The following SGO2 variants were observed in gnomAD, a reference collection of about 807,000 sequenced individuals.
SGO2 encodes the protein shugoshin 2.
In SGO2, 68 loss-of-function variants were observed where a neutral mutation model predicts 99.5. The observed-to-expected ratio is 0.68, with a 90% CI of 0.56 to 0.84. SGO2 has a LOEUF of 0.84. Ranked by LOEUF, SGO2 falls within the 40% of genes least tolerant of loss-of-function variation. The pLI is 0.00. For missense variants in SGO2, 1,350 were observed against 1,436.7 expected (o/e 0.94, Z 0.97); for synonymous variants, 457 against 487.1 (o/e 0.94, Z 0.81).
intron 8 of SGO2, among the ~76,000 whole-genome samples, chr2:200,578,437 A>G (rs1186056986): frequency 1.3e-5 from 2 of 152,204 alleles, no homozygotes; most frequent in African/African-American, 4.8e-5. Flanking sequence ...TGCTCTGCTT[A>G]GGGTCTGACA....
intron 5 of SGO2, among the ~76,000 whole-genome samples, chr2:200,556,227 A>G (rs2032710633): frequency 1.3e-5 from 2 of 152,138 alleles, no homozygotes; most frequent in Non-Finnish European, 2.9e-5. Flanking sequence ...CAGCCTCCCA[A>G]AGTGCTGGGA....
At chr2:200,560,404 A>G (rs1229730689) in intron 5 of SGO2, among the ~76,000 whole-genome samples, 3 of 152,122 alleles carry the variant, frequency 2.0e-5, no homozygotes, top group Non-Finnish European at 4.4e-5. Context: ...TCAGGTATCT[A>G]TCTTTTTCTG....
Position 200,572,106 on chromosome 2 carries a change from A to G in SGO2, c.1760A>G (p.His587Arg), listed in dbSNP as rs113654304. The G allele has an allele frequency of 4.4e-4, 713 of 1,613,300 alleles. 5 individuals are homozygous for G. In the African/African-American group the frequency reaches 8.3e-3, roughly 19 times the overall value. ...DNGNLCDYGT[H>R]NILDLKKYVT... ...GGAAATTTATGTGATTATGGGACCCACAATATATTGGATTTGAAAAAGTAT... is the reference window on the plus strand; with the variant it reads ...GGAAATTTATGTGATTATGGGACCCGCAATATATTGGATTTGAAAAAGTAT... Residue 587 changes from histidine (H) to arginine (R), a missense_variant, in exon 7 of 9, where the codon CAC becomes CGC. By Grantham distance (29) the His-to-Arg change is conservative. Transcript: ENST00000357799.
chr2:200,573,017 A>C lies in SGO2; in HGVS notation c.2671A>C (p.Thr891Pro). 2 of 1,572,158 alleles carry C rather than the reference A, an allele frequency of 1.3e-6. No homozygotes were observed. The highest frequency in any genetic ancestry group is 1.7e-6 in the Non-Finnish European group (2 of 1,165,914). ...TATATTGGAGTTGAAAAAGTATGTT[A>C]CTGATAGGAAATCTGCTGAGCAAAA... ...QNILELKKYV[T>P]DRKSAEQNES... Residue 891 changes from threonine (T) to proline (P), a missense_variant, in exon 7 of 9, where the codon ACT becomes CCT. Thr to Pro is a conservative substitution (Grantham distance 38, BLOSUM62 -1). Coordinates refer to ENST00000357799, the MANE Select transcript of SGO2 (RefSeq NM_152524.6).
chr2:200,528,950 A>G (rs1056656684), intron 1 of SGO2, among the ~76,000 whole-genome samples: 1 of 152,236 alleles, frequency 6.6e-6, no homozygotes, highest in Non-Finnish European at 1.5e-5. Flanking sequence ...TGCTTTTCAC[A>G]GATCAAGTAA....
In SGO2 at chr2:200,583,614, T is replaced by C. The variant is rs976994235; in HGVS notation, c.*150T>C. Reference sequence around the variant, plus strand: ...GGAGTGTTGATTTGTCCATTCTTAATGTTTATTAATAGGTATATGTGCATA... The same window carrying C: ...GGAGTGTTGATTTGTCCATTCTTAACGTTTATTAATAGGTATATGTGCATA... On this transcript the variant is annotated 3_prime_UTR_variant, in exon 9 of 9. Coordinates refer to ENST00000357799, the MANE Select transcript of SGO2 (RefSeq NM_152524.6). 38 of 559,626 alleles carry C rather than the reference T, an allele frequency of 6.8e-5. No individual in the cohort carries two copies. The highest frequency in any genetic ancestry group is 6.2e-4 in the African/African-American group (32 of 52,030). The allele number at this position is 559,626 out of a possible 1,614,324, so 34.7% of individuals were successfully genotyped here.
Position 200,550,610 on chromosome 2 carries a change from G to A in SGO2, c.473+7946G>A, listed in dbSNP as rs147853052. ...ACAAAGGGATAGTGGTCAATAAATA[G>A]TGCGGGAAAACTGGATAACTATATG... On this transcript the variant is annotated intron_variant, in intron 5 of 8. Transcript: ENST00000357799. Among the ~76,000 whole-genome samples, 339 of 152,242 alleles carry A rather than the reference G, an allele frequency of 2.2e-3. 2 individuals are homozygous for A. The highest frequency in any genetic ancestry group is 7.8e-3 in the African/African-American group (325 of 41,560).
intron 4 of SGO2, among the ~76,000 whole-genome samples, chr2:200,539,716 T>G (rs1169836936): frequency 2.6e-5 from 4 of 152,166 alleles, no homozygotes; most frequent in African/African-American, 9.7e-5. Flanking sequence ...TGAGGTTCAC[T>G]CAGCTTCTTG....
intron 8 of SGO2, 142 bp downstream of exon 8, chr2:200,575,603 AAG>A: frequency 3.5e-6 from 2 of 577,940 alleles, no homozygotes. Flanking sequence ...TGATTTGGGT[AAG>A]AGTTGAAGAA....
intron 5 of SGO2, among the ~76,000 whole-genome samples, chr2:200,545,996 C>G (rs1404000143): frequency 3.3e-5 from 5 of 152,086 alleles, no homozygotes; most frequent in Admixed American, 1.3e-4. Context: ...GAGGTGCATT[C>G]CCCAGGTCCC....
intron 4 of SGO2, 127 bp downstream of exon 4, chr2:200,536,269 A>T: frequency 2.0e-6 from 1 of 501,634 alleles, no homozygotes; most frequent in South Asian, 3.2e-5. Flanking sequence ...TGATAATATC[A>T]GTTTTAACTG....
chr2:200,555,021 T>G (rs752377978), intron 5 of SGO2, among the ~76,000 whole-genome samples: 11 of 152,178 alleles, frequency 7.2e-5, no homozygotes, highest in Non-Finnish European at 7.4e-5. Context: ...ACACACAACC[T>G]TTTTACAAGA....
At chr2:200,563,593 C>G (rs1296584488) in intron 5 of SGO2, among the ~76,000 whole-genome samples, 1 of 152,258 alleles carries the variant, frequency 6.6e-6, no homozygotes, top group East Asian at 1.9e-4. Flanking sequence ...AGGGAGGATT[C>G]CCTCTTTTTC....
intron 1 of SGO2, among the ~76,000 whole-genome samples, chr2:200,532,643 A>C (rs1231566310): frequency 6.6e-6 from 1 of 152,044 alleles, no homozygotes; most frequent in Non-Finnish European, 1.5e-5. Context: ...CTCTAAGGTT[A>C]TACTTCTTAC....
At chr2:200,542,539 A>G (rs1261762395) in intron 4 of SGO2, 40 bp from the exon 5 acceptor site, 1 of 1,481,612 alleles carries the variant, frequency 6.7e-7, no homozygotes, top group East Asian at 2.3e-5. Flanking sequence ...TGATTTAATA[A>G]GGTTAGAAAC....
At chr2:200,547,081 A>G (rs553539127) in intron 5 of SGO2, among the ~76,000 whole-genome samples, 1 of 152,348 alleles carries the variant, frequency 6.6e-6, no homozygotes, top group African/African-American at 2.4e-5. Flanking sequence ...ATAATAATCA[A>G]ACTCTCAAAG....
chr2:200,544,669 G>GT (rs1215505191), intron 5 of SGO2, among the ~76,000 whole-genome samples: 5 of 151,192 alleles, frequency 3.3e-5, no homozygotes, highest in Non-Finnish European at 7.4e-5. Flanking sequence ...TAGGTATATA[G>GT]TGTGGAGTAG....
intron 5 of SGO2, among the ~76,000 whole-genome samples, chr2:200,559,577 G>A (rs776001225): frequency 5.9e-5 from 9 of 151,834 alleles, no homozygotes; most frequent in Non-Finnish European, 8.8e-5. Context: ...TATAATCACT[G>A]CTTTAGCTGT....
Position 200,571,763 on chromosome 2 carries a change from A to G in SGO2, c.1417A>G (p.Met473Val). Residue 473 changes from methionine (M) to valine (V), a missense_variant, in exon 7 of 9, where the codon ATG (methionine) becomes GTG (valine). By Grantham distance (21) the Met-to-Val change is conservative (BLOSUM62 1). Coordinates refer to ENST00000357799, the MANE Select transcript of SGO2 (RefSeq NM_152524.6). ...QLAQVNELKK[M>V]TLQTGFEQGD... The stretch of plus-strand genomic sequence containing the variant: ...GGCTCAGGTGAATGAACTAAAGAAA[A>G]TGACCCTTCAAACTGGCTTTGAACA... 1 of 1,613,730 alleles carries G rather than the reference A, an allele frequency of 6.2e-7. No individual in the cohort carries two copies. Among genetic ancestry groups the G allele is most frequent in the African/African-American group, 1.3e-5 (1 of 75,020 alleles).
Sources: allele counts gnomAD v4.1 joint callset (sites outside exome capture counted in the v4.1 genomes callset), GRCh38; gene constraint gnomAD v4.1.1; transcripts MANE v1.5; gene names NCBI Gene and HGNC (gene_info 2026-07-23, HGNC 2026-07-21).